Variants in UBR1 observed in about 807,000 individuals in gnomAD.
UBR1 encodes E3 ubiquitin-protein ligase UBR1.
A neutral mutation model predicts 242.1 loss-of-function variants in UBR1; 102 were observed. The observed-to-expected ratio is 0.42, with a 90% CI of 0.36 to 0.50. The LOEUF is 0.50. UBR1 is among the 20% of genes least tolerant of loss of function. The probability of loss-of-function intolerance (pLI) is 0.01; values close to 1 mark genes in which losing one functional copy is unlikely to be tolerated. For missense variants in UBR1, 1,772 were observed against 2,101.8 expected, an observed-to-expected ratio of 0.84 and a Z score of 3.07; for synonymous variants, 675 against 684.8, an observed-to-expected ratio of 0.99 and a Z score of 0.22.
intron 1 of UBR1, among the ~76,000 whole-genome samples, chr15:43,089,411 C>T (rs1305359905): frequency 1.3e-5 from 2 of 152,014 alleles, no homozygotes; most frequent in African/African-American, 2.4e-5. Flanking sequence ...AGGAGAATGT[C>T]GTGAACCCAG....
At chr15:42,997,641 T>C (rs555548691) in intron 33 of UBR1, among the ~76,000 whole-genome samples, 2 of 152,336 alleles carry the variant, frequency 1.3e-5, no homozygotes, top group African/African-American at 2.4e-5. Context: ...GTTTTTGTTA[T>C]TACAAACATT....
chr15:43,004,800 C>A (rs1036206737), intron 30 of UBR1, among the ~76,000 whole-genome samples: 1 of 152,110 alleles, frequency 6.6e-6, no homozygotes, highest in Non-Finnish European at 1.5e-5. Flanking sequence ...CCAGCCGCCA[C>A]CCCGTCTGGG....
intron 36 of UBR1, 23 bp from the exon 37 acceptor site, chr15:42,984,016 G>T (rs2032422945): frequency 6.3e-7 from 1 of 1,590,864 alleles, no homozygotes; most frequent in Non-Finnish European, 8.6e-7. Flanking sequence ...AGAGAAGGAA[G>T]ATAAAAAGAT....
chr15:43,054,895 C>T lies in UBR1; in HGVS notation c.1286G>A (p.Arg429Gln), dbSNP rs145247056. ...VQMFTVPTLA[R>Q]HLIEEQNVIS... The stretch of plus-strand genomic sequence containing the variant: ...AACATTCTGCTCTTCAATAAGATGT[C>T]GAGCCTGCGGAATATTTCAAGAATA... The change falls in exon 12 of 47, where the codon CGA (arginine) becomes CAA (glutamine). Residue 429 changes from arginine (R) to glutamine (Q), a missense_variant. Around this residue, in one of 3 missense-constraint regions of UBR1, gnomAD observed 734 missense variants for 893.3 expected, o/e 0.82. Transcript: ENST00000290650. 2.5e-5 allele frequency: 41 copies of T among 1,613,850 alleles called. 2 individuals are homozygous for T. The South Asian group carries it at 3.5e-4, about 14-fold the overall frequency.
chr15:42,973,354 G>A (rs535733670), intron 39 of UBR1, among the ~76,000 whole-genome samples: 2 of 152,238 alleles, frequency 1.3e-5, no homozygotes, highest in East Asian at 3.9e-4. Context: ...GGAGTGCAGT[G>A]GCATGCTATC....
In UBR1 at chr15:42,976,584, A is replaced by G. The variant is rs1027908001; in HGVS notation, c.4369+133T>C. On this transcript the variant is annotated intron_variant, in intron 39 of 46. Coordinates refer to ENST00000290650, the MANE Select transcript of UBR1 (RefSeq NM_174916.3). ...CCTTGTTTAAACAGTATCCATTAAA[A>G]AACAGATAATCATTCAACAAAAAAC... The G allele has an allele frequency of 1.5e-5, 16 of 1,058,854 alleles. No individual in the cohort carries two copies. In the African/African-American group the frequency reaches 4.3e-4, roughly 28 times the overall value. The allele number at this position is 1,058,854 out of a possible 1,614,324, so 65.6% of individuals were successfully genotyped here.
At chr15:43,101,718 G>A (rs1043227492) in intron 1 of UBR1, among the ~76,000 whole-genome samples, 1 of 151,942 alleles carries the variant, frequency 6.6e-6, no homozygotes, top group Admixed American at 6.6e-5. Context: ...TATAATCCCA[G>A]CAATTTGGGA....
intron 15 of UBR1, among the ~76,000 whole-genome samples, chr15:43,038,700 A>G (rs1382347151): frequency 6.6e-6 from 1 of 152,236 alleles, no homozygotes. Flanking sequence ...ATACAATATT[A>G]CTAACGTATT....
chr15:43,014,112 A>G (rs972056483), intron 29 of UBR1, among the ~76,000 whole-genome samples: 7 of 152,356 alleles, frequency 4.6e-5, no homozygotes, highest in East Asian at 3.9e-4. Flanking sequence ...TCCAGCTCCT[A>G]ACCGCGAGTG....
At chr15:43,014,656 T>C (rs902826843) in intron 29 of UBR1, among the ~76,000 whole-genome samples, 20 of 149,618 alleles carry the variant, frequency 1.3e-4, no homozygotes, top group African/African-American at 5.0e-4. Flanking sequence ...CCGCCCCTTC[T>C]AAGAAGTGAG....
chr15:43,077,532 G>T (rs904914122), intron 3 of UBR1, among the ~76,000 whole-genome samples: 1 of 150,840 alleles, frequency 6.6e-6, no homozygotes, highest in African/African-American at 2.4e-5. Context: ...AGGGTCCTCT[G>T]CCTAGGAAAA....
chr15:43,068,025 T>C lies in UBR1; in HGVS notation c.671A>G (p.Glu224Gly). Residue 224 changes from glutamate (E) to glycine (G), a missense_variant, in exon 6 of 47, where the codon GAA becomes GGA. Glu to Gly is a moderately conservative substitution (Grantham distance 98). This residue lies in a region of UBR1 where 734 missense variants were observed against 893.3 expected (regional missense o/e 0.82). Transcript: ENST00000290650. ...PPELQIREKNERYYCVLFNDE... is the reference protein window; with the variant it reads ...PPELQIREKNGRYYCVLFNDE... ...ATTGAAAAGGACACAATAGTATCTT[T>C]CATTTTTCTCCCTGTTAGAAAAAAA... 4 of 1,607,994 alleles carry C rather than the reference T, an allele frequency of 2.5e-6. No individual in the cohort carries two copies. The highest frequency in any genetic ancestry group is 3.4e-6 in the Non-Finnish European group (4 of 1,176,428).
intron 19 of UBR1, among the ~76,000 whole-genome samples, chr15:43,034,361 G>A (rs2141314916): frequency 6.6e-6 from 1 of 152,006 alleles, no homozygotes; most frequent in Admixed American, 6.5e-5. Context: ...AGAATCACTA[G>A]AATGGGAGAA....
In UBR1 at chr15:43,086,307, A is replaced by T. The variant is rs1419357509; in HGVS notation, c.82-67T>A. 2.6e-6 allele frequency: 4 copies of T among 1,548,860 alleles called. No homozygotes were observed. In the Admixed American group the frequency reaches 7.0e-5, roughly 27 times the overall value. On this transcript the variant is annotated intron_variant, in intron 1 of 46. Coordinates refer to ENST00000290650, the MANE Select transcript of UBR1 (RefSeq NM_174916.3). The stretch of plus-strand genomic sequence containing the variant: ...CCTTCTTAATCATCTAGGGGCACAA[A>T]TAATGACATAATTCTACAATTTCAA...
chr15:43,082,988 G>C (rs999582368), intron 2 of UBR1, among the ~76,000 whole-genome samples: 2 of 152,136 alleles, frequency 1.3e-5, no homozygotes, highest in African/African-American at 4.8e-5. Flanking sequence ...ACCTGGTTTC[G>C]AACTGTTAGA....
chr15:42,949,133 C>A, intron 46 of UBR1, among the ~76,000 whole-genome samples: 1 of 151,842 alleles, frequency 6.6e-6, no homozygotes, highest in East Asian at 1.9e-4. Flanking sequence ...TTTGTAGGGA[C>A]ATGGATGAAA....
At chr15:43,004,377 CTCTCCCTCT>C (rs1239841271) in intron 30 of UBR1, among the ~76,000 whole-genome samples, 89 of 151,960 alleles carry the variant, frequency 5.9e-4, no homozygotes, top group African/African-American at 2.0e-3. Context: ...CCTCTCCCTC[CTCTCCCTCT>C]CCCTGTCCCC....
intron 45 of UBR1, chr15:42,950,620 G>A: frequency 2.1e-6 from 1 of 471,112 alleles, no homozygotes; most frequent in South Asian, 2.2e-5. Context: ...GGAATCTGTT[G>A]AAGGGAGGAA....
At chr15:43,100,861 C>T (rs2034225383) in intron 1 of UBR1, among the ~76,000 whole-genome samples, 1 of 152,188 alleles carries the variant, frequency 6.6e-6, no homozygotes, top group Admixed American at 6.5e-5. Flanking sequence ...ATGAACAAGT[C>T]ACACATGATC....
Sources: gnomAD v4.1 joint callset for allele counts (sites outside exome capture counted in the v4.1 genomes callset) on GRCh38, gnomAD v4.1.1 for gene constraint, gnomAD v4.1.1 regional missense constraint, MANE v1.5 for transcripts, NCBI Gene and HGNC (gene_info 2026-07-23, HGNC 2026-07-21) for gene names.